The following GATAD2A variants were observed in gnomAD, a reference collection of about 807,000 sequenced individuals.
GATAD2A encodes GATA zinc finger domain containing 2A.
Under a neutral mutation model 68.5 loss-of-function variants are expected in GATAD2A, and 12 were observed. The ratio of observed to expected loss-of-function variants is 0.18; its 90% CI spans 0.11 to 0.28. The LOEUF (loss-of-function observed/expected upper bound fraction) is 0.28, where lower values mean the gene tolerates loss of function less well. GATAD2A is among the 10% of genes least tolerant of loss of function. The pLI is 1.00. For synonymous variants in GATAD2A, 410 were observed against 375.3 expected (o/e 1.09, Z -1.07); for missense variants, 755 against 868.5 (o/e 0.87, Z 1.64).
At chr19:19,436,061 T>A (rs968142570) in intron 1 of GATAD2A, 3 of 789,818 alleles carry the variant, frequency 3.8e-6, no homozygotes, top group Middle Eastern at 2.8e-4. Context: ...AGAGACATTT[T>A]AGAAATGCCA....
chr19:19,435,249 T>G (rs1038904526), intron 1 of GATAD2A: 2 of 432,422 alleles, frequency 4.6e-6, no homozygotes, highest in South Asian at 1.7e-5. Flanking sequence ...TGAGACAGGG[T>G]CTCACTCTGT....
intron 1 of GATAD2A, among the ~76,000 whole-genome samples, chr19:19,456,555 C>A (rs1338653411): frequency 6.6e-6 from 1 of 152,208 alleles, no homozygotes; most frequent in African/African-American, 2.4e-5. Context: ...TGTCCCTAAC[C>A]CTTATGTCCA....
chr19:19,412,317 G>A (rs2051055408), intron 1 of GATAD2A, among the ~76,000 whole-genome samples: 1 of 151,168 alleles, frequency 6.6e-6, no homozygotes, highest in Admixed American at 6.6e-5. Context: ...CACCACACCC[G>A]GCTAATTTTT....
chr19:19,463,510 G>C (rs1033299502), intron 1 of GATAD2A, among the ~76,000 whole-genome samples: 1 of 150,598 alleles, frequency 6.6e-6, no homozygotes, highest in African/African-American at 2.4e-5. Flanking sequence ...GAGCAGGAGC[G>C]GGGGCGGGGG....
Position 19,498,433 on chromosome 19 carries a change from T to G in GATAD2A, c.925-10T>G. 2 of 1,595,834 alleles carry G rather than the reference T, an allele frequency of 1.3e-6. No homozygotes were observed. The highest frequency in any genetic ancestry group is 1.7e-6 in the Non-Finnish European group (2 of 1,166,000). On this transcript the variant is annotated splice_polypyrimidine_tract_variant and intron_variant, in intron 7 of 11. Transcript: ENST00000683918. The stretch of plus-strand genomic sequence containing the variant: ...ACGGAGCGCCCTGACTGAGTTTTTG[T>G]CTCCCAAAGCCCACCCCAGCATCAC...
At chr19:19,449,615 C>G (rs1218833726) in intron 1 of GATAD2A, among the ~76,000 whole-genome samples, 2 of 146,576 alleles carry the variant, frequency 1.4e-5, no homozygotes, top group Non-Finnish European at 3.0e-5. Flanking sequence ...AAAAAAAATC[C>G]AGCCTGGGCA....
At chr19:19,399,970 T>C (rs2049584616) in intron 1 of GATAD2A, among the ~76,000 whole-genome samples, 1 of 152,192 alleles carries the variant, frequency 6.6e-6, no homozygotes, top group African/African-American at 2.4e-5. Flanking sequence ...TAGGCTGATT[T>C]CCAGACTCGA....
rs750387323 is a variant in GATAD2A at position 19,496,237 on chromosome 19, C to T, written c.924+18C>T. 6.2e-7 allele frequency: 1 copy of T among 1,610,548 alleles called. No individual in the cohort carries two copies. The highest frequency in any genetic ancestry group is 8.5e-7 in the Non-Finnish European group (1 of 1,177,820). ...TCCCACAGGTGAGGGCTGCGCCACACTGTGCCAGGGAGAGTGTGTGTCCCA... is the reference window on the plus strand; with the variant it reads ...TCCCACAGGTGAGGGCTGCGCCACATTGTGCCAGGGAGAGTGTGTGTCCCA... On this transcript the variant is annotated intron_variant, in intron 7 of 11. Coordinates refer to ENST00000683918, the MANE Select transcript of GATAD2A (RefSeq NM_001384528.1).
At chr19:19,402,101 T>G (rs1030152833), upstream of GATAD2A, 1 of 152,122 alleles carries the variant, frequency 6.6e-6, no homozygotes. Flanking sequence ...CTCTGTCACC[T>G]AGGCTAGAGT....
intron 1 of GATAD2A, among the ~76,000 whole-genome samples, chr19:19,407,350 C>CT (rs1246204604): frequency 7.9e-5 from 12 of 152,200 alleles, no homozygotes; most frequent in African/African-American, 2.9e-4. Context: ...TACTAGCCCT[C>CT]GGGTTTGAGT....
chr19:19,388,125 C>T (rs536663994), intron 1 of GATAD2A, among the ~76,000 whole-genome samples: 8 of 149,844 alleles, frequency 5.3e-5, no homozygotes, highest in African/African-American at 7.4e-5. Context: ...GGTGTGATCT[C>T]TGGCTCACCG....
At chr19:19,433,918 G>T (rs993096293) in intron 1 of GATAD2A, among the ~76,000 whole-genome samples, 1 of 152,100 alleles carries the variant, frequency 6.6e-6, no homozygotes, top group East Asian at 1.9e-4. Flanking sequence ...TCAGGTGCAC[G>T]CCACCACACC....
At chr19:19,402,537 C>T (rs1400664092), upstream of GATAD2A, 2 of 149,766 alleles carry the variant, frequency 1.3e-5, no homozygotes, top group Admixed American at 6.6e-5. Flanking sequence ...AAATACAAAA[C>T]AATTAGCTGG....
rs180698678 is a variant in GATAD2A, at chr19:19,445,972, G to A, written c.-6-19368G>A. Among the ~76,000 whole-genome samples the A allele has an allele frequency of 7.9e-5, 12 of 152,294 alleles. No individual in the cohort carries two copies. In the East Asian group the frequency reaches 1.2e-3, roughly 15 times the overall value. On this transcript the variant is annotated intron_variant, in intron 1 of 11. Coordinates refer to ENST00000683918, the MANE Select transcript of GATAD2A (RefSeq NM_001384528.1). ...GGACACTCGGGAGCATGGTGATGCC[G>A]TGGGCTGGAGGCCCTGCCCAGGCTC...
intron 1 of GATAD2A, among the ~76,000 whole-genome samples, chr19:19,437,992 A>G (rs2054563227): frequency 6.6e-6 from 1 of 152,128 alleles, no homozygotes; most frequent in South Asian, 2.1e-4. Context: ...TCTTTTCAGG[A>G]ATTACCAGAC....
chr19:19,475,710 C>T (rs900633051), intron 2 of GATAD2A, among the ~76,000 whole-genome samples: 2 of 152,142 alleles, frequency 1.3e-5, no homozygotes, highest in Non-Finnish European at 2.9e-5. Context: ...GTGCTCCCTT[C>T]CCTGCCTTAG....
intron 1 of GATAD2A, among the ~76,000 whole-genome samples, chr19:19,407,019 C>T (rs1319967042): frequency 2.0e-5 from 3 of 152,194 alleles, no homozygotes; most frequent in South Asian, 2.1e-4. Context: ...TCACTTGAGC[C>T]TTTAATTTTC....
At chr19:19,458,839 A>G (rs533845237) in intron 1 of GATAD2A, among the ~76,000 whole-genome samples, 1 of 152,294 alleles carries the variant, frequency 6.6e-6, no homozygotes, top group South Asian at 2.1e-4. Flanking sequence ...TTCTGTGTCC[A>G]TCTTGTGTCC....
upstream of GATAD2A, among the ~76,000 whole-genome samples, chr19:19,405,411 C>T (rs530526941): frequency 6.6e-6 from 1 of 152,312 alleles, no homozygotes; most frequent in Non-Finnish European, 1.5e-5. Context: ...GGGTGCGGCC[C>T]GCCCGGCTTT....
Sources: allele counts gnomAD v4.1 joint callset (sites outside exome capture counted in the v4.1 genomes callset), GRCh38; gene constraint gnomAD v4.1.1; transcripts MANE v1.5; gene names NCBI Gene and HGNC (gene_info 2026-07-23, HGNC 2026-07-21).